Variants in AVEN observed in about 807,000 individuals in gnomAD.
The protein encoded by AVEN is apoptosis and caspase activation inhibitor.
In AVEN, 41 loss-of-function variants were observed where a neutral mutation model predicts 38.1. The ratio of observed to expected loss-of-function variants is 1.08; its 90% CI spans 0.84 to 1.40. AVEN has a LOEUF of 1.40. Among genes scored for constraint, AVEN ranks in the 40% most tolerant of loss-of-function variants. AVEN has a pLI of 0.00. For missense variants in AVEN, 605 were observed against 438.8 expected (o/e 1.38, Z -3.38); for synonymous variants, 206 against 171.8 (o/e 1.20, Z -1.56).
chr15:33,988,753 T>G (rs483279), intron 2 of AVEN, among the ~76,000 whole-genome samples: 141,819 of 152,260 alleles, frequency 0.93, 66,733 homozygotes, highest in Non-Finnish European at 1. Context: ...ATTACAGGGT[T>G]GAAAAAACTC....
At chr15:33,950,455 T>C (rs1451014407) in intron 2 of AVEN, among the ~76,000 whole-genome samples, 1 of 152,136 alleles carries the variant, frequency 6.6e-6, no homozygotes, top group African/African-American at 2.4e-5. Flanking sequence ...ACACCTTAAA[T>C]AGATACAATT....
At chr15:34,026,663 A>AG (rs1567475438) in intron 1 of AVEN, among the ~76,000 whole-genome samples, 1 of 152,090 alleles carries the variant, frequency 6.6e-6, no homozygotes, top group African/African-American at 2.4e-5. Flanking sequence ...ACTGAGGACA[A>AG]GAGGAAAAAA....
At chr15:33,961,775 T>A (rs75472230) in intron 2 of AVEN, among the ~76,000 whole-genome samples, 4 of 117,908 alleles carry the variant, frequency 3.4e-5, no homozygotes, top group Admixed American at 1.2e-4. Context: ...ATCGCGCCAC[T>A]GCACTCCAGC....
chr15:33,911,767 C>T (rs1047866937), intron 2 of AVEN, among the ~76,000 whole-genome samples: 1 of 152,114 alleles, frequency 6.6e-6, no homozygotes, highest in Non-Finnish European at 1.5e-5. Context: ...ACATAAAAAT[C>T]TGATTTGTTA....
chr15:33,919,681 G>C (rs1858471627), intron 2 of AVEN, among the ~76,000 whole-genome samples: 2 of 152,210 alleles, frequency 1.3e-5, no homozygotes, highest in Admixed American at 6.5e-5. Context: ...AGAAGAGCAA[G>C]CCAAAGGCAT....
At chr15:34,045,127 A>G (rs983381890) in intron 5 of AVEN, among the ~76,000 whole-genome samples, 5 of 152,230 alleles carry the variant, frequency 3.3e-5, no homozygotes, top group African/African-American at 9.6e-5. Context: ...AATTTGGTCT[A>G]AAAACTCAAC....
intron 1 of AVEN, among the ~76,000 whole-genome samples, chr15:34,021,739 C>T (rs1355118760): frequency 6.6e-6 from 1 of 152,032 alleles, no homozygotes; most frequent in African/African-American, 2.4e-5. Context: ...CCTGTAATCC[C>T]AGCTACTGGG....
At chr15:33,906,492 G>T (rs991203339) in intron 2 of AVEN, among the ~76,000 whole-genome samples, 3 of 152,202 alleles carry the variant, frequency 2.0e-5, no homozygotes, top group African/African-American at 4.8e-5. Flanking sequence ...TATAAAGTTG[G>T]ATGTACAAAT....
intron 5 of AVEN, among the ~76,000 whole-genome samples, chr15:34,061,259 T>C (rs577675397): frequency 5.8e-4 from 89 of 152,240 alleles, no homozygotes; most frequent in African/African-American, 2.0e-3. Context: ...TGTACATAGA[T>C]TTTTTAATCT....
chr15:34,073,981 TTCTTC>T (rs1900684085), intron 1 of AVEN, among the ~76,000 whole-genome samples: 1 of 42,262 alleles, frequency 2.4e-5, no homozygotes, highest in Non-Finnish European at 7.1e-5. Flanking sequence ...TTCTTTTTTC[TTCTTC>T]TTCTTTTTTT....
the AVEN span, chr15:33,852,981 T>C: frequency 1.4e-6 from 2 of 1,413,682 alleles, no homozygotes; most frequent in Non-Finnish European, 2.0e-6. Flanking sequence ...AACTGAAACG[T>C]TTCTTGATGT....
downstream of AVEN, chr15:33,857,934 GGGGCC>G: frequency 7.2e-7 from 1 of 1,379,506 alleles, no homozygotes; most frequent in African/African-American, 3.6e-5. Context: ...CACCCACTGC[GGGGCC>G]AGCCCACCCA....
At chr15:34,041,691 C>T (rs924951088), upstream of AVEN, among the ~76,000 whole-genome samples, 1 of 152,090 alleles carries the variant, frequency 6.6e-6, no homozygotes, top group African/African-American at 2.4e-5. Flanking sequence ...TATTTTGCAC[C>T]TGATACTATT....
At chr15:33,859,482 C>T in intron 11 of AVEN, 1 of 1,459,666 alleles carries the variant, frequency 6.9e-7, no homozygotes, top group Non-Finnish European at 9.5e-7. Context: ...TTAGGGCTGC[C>T]ACAATCTGAC....
intron 5 of AVEN, among the ~76,000 whole-genome samples, chr15:34,050,376 G>A (rs190029336): frequency 2.1e-4 from 32 of 152,242 alleles, no homozygotes; most frequent in East Asian, 1.5e-3. Context: ...AAGAAAACCC[G>A]TTACCGGACA....
At chr15:34,053,319 A>AAATATATATATATATAT (rs775436850) in intron 5 of AVEN, among the ~76,000 whole-genome samples, 2 of 42,104 alleles carry the variant, frequency 4.8e-5, no homozygotes, top group African/African-American at 1.6e-4. Flanking sequence ...AAAAAAAAAA[A>AAATATATATATATATAT]ATATATATAT....
chr15:34,013,778 T>G (rs1464136019), intron 1 of AVEN, among the ~76,000 whole-genome samples: 2 of 152,160 alleles, frequency 1.3e-5, no homozygotes, highest in Non-Finnish European at 2.9e-5. Flanking sequence ...AGGACCAGGC[T>G]TGTGAGCCAG....
chr15:33,938,996 T>A (rs770194172), intron 2 of AVEN, among the ~76,000 whole-genome samples: 1 of 152,076 alleles, frequency 6.6e-6, no homozygotes, highest in African/African-American at 2.4e-5. Context: ...TGCCCACCAT[T>A]ACGCCCGGCT....
chr15:33,874,737 T>C (rs545613858), intron 3 of AVEN, among the ~76,000 whole-genome samples: 1 of 152,348 alleles, frequency 6.6e-6, no homozygotes, highest in East Asian at 1.9e-4. Flanking sequence ...ATAAGCTCCA[T>C]TTAATAAAAA....
Sources: gnomAD v4.1 joint callset for allele counts (sites outside exome capture counted in the v4.1 genomes callset) on GRCh38, gnomAD v4.1.1 for gene constraint, MANE v1.5 for transcripts, NCBI Gene and HGNC (gene_info 2026-07-23, HGNC 2026-07-21) for gene names.